The following FHIT variants were observed in gnomAD, a reference collection of about 807,000 sequenced individuals.
FHIT encodes the protein fragile histidine triad diadenosine triphosphatase, also known as bis(5'-adenosyl)-triphosphatase.
A neutral mutation model predicts 17.9 loss-of-function variants in FHIT; 19 were observed. The ratio of observed to expected loss-of-function variants is 1.06; its 90% CI spans 0.74 to 1.56. FHIT has a LOEUF of 1.56. FHIT is among the 40% of genes most tolerant of loss of function. The pLI is 0.00. For synonymous variants in FHIT, 81 were observed against 69.7 expected (o/e 1.16, Z -0.81); for missense variants, 248 against 189.2 (o/e 1.31, Z -1.82).
intron 5 of FHIT, among the ~76,000 whole-genome samples, chr3:60,457,731 A>G (rs2032196523): frequency 6.8e-6 from 1 of 146,348 alleles, no homozygotes; most frequent in Admixed American, 7.0e-5. Flanking sequence ...AAACAAATTT[A>G]CAAGAAAAAA....
intron 1 of FHIT, among the ~76,000 whole-genome samples, chr3:61,229,421 C>T (rs749423701): frequency 3.3e-5 from 5 of 152,206 alleles, no homozygotes; most frequent in Non-Finnish European, 7.3e-5. Context: ...TGATTTTGGA[C>T]TTCTGGCTTC....
chr3:60,304,514 C>G (rs1708588879), intron 5 of FHIT, among the ~76,000 whole-genome samples: 2 of 151,954 alleles, frequency 1.3e-5, no homozygotes, highest in Admixed American at 1.3e-4. Context: ...ACATTTACTC[C>G]TATTTTACAG....
At chr3:60,773,045 C>T (rs782496817) in intron 4 of FHIT, among the ~76,000 whole-genome samples, 5 of 152,122 alleles carry the variant, frequency 3.3e-5, no homozygotes, top group Admixed American at 1.3e-4. Context: ...ACTCCATCTC[C>T]GGCATGGTGT....
chr3:61,018,054 T>C (rs1358891626), intron 3 of FHIT, among the ~76,000 whole-genome samples: 1 of 152,220 alleles, frequency 6.6e-6, no homozygotes, highest in Non-Finnish European at 1.5e-5. Context: ...ATTGAACATT[T>C]ACTATGTGCC....
intron 8 of FHIT, among the ~76,000 whole-genome samples, chr3:59,841,172 G>T (rs1415299507): frequency 1.3e-5 from 2 of 152,152 alleles, no homozygotes; most frequent in African/African-American, 4.8e-5. Flanking sequence ...AGATGATCTT[G>T]CCTGGGTTAC....
chr3:60,887,706 A>C (rs1553759616), intron 3 of FHIT, among the ~76,000 whole-genome samples: 1 of 152,152 alleles, frequency 6.6e-6, no homozygotes, highest in Non-Finnish European at 1.5e-5. Flanking sequence ...CCTTTTACCA[A>C]AAAAGGGTTC....
At chr3:60,823,832 A>G (rs1702020075) in intron 3 of FHIT, among the ~76,000 whole-genome samples, 1 of 152,184 alleles carries the variant, frequency 6.6e-6, no homozygotes, top group Admixed American at 6.5e-5. Context: ...GTCTCAGGGA[A>G]GATTTGAGGT....
At chr3:60,598,291 C>T (rs1405027943) in intron 4 of FHIT, among the ~76,000 whole-genome samples, 2 of 152,044 alleles carry the variant, frequency 1.3e-5, no homozygotes, top group South Asian at 2.1e-4. Context: ...GGAAAGGTAG[C>T]GATCAAGCAA....
At chr3:59,871,974 A>G (rs948355872) in intron 8 of FHIT, among the ~76,000 whole-genome samples, 1 of 152,248 alleles carries the variant, frequency 6.6e-6, no homozygotes, top group African/African-American at 2.4e-5. Context: ...TGGGAATTAC[A>G]GGCAAAACCA....
At chr3:60,167,120 C>G (rs948635480) in intron 5 of FHIT, among the ~76,000 whole-genome samples, 1 of 152,178 alleles carries the variant, frequency 6.6e-6, no homozygotes, top group Admixed American at 6.5e-5. Context: ...TCTTTCCCCC[C>G]TTTCTAAGAG....
intron 2 of FHIT, among the ~76,000 whole-genome samples, chr3:61,061,623 G>GC (rs1486108872): frequency 6.6e-6 from 1 of 151,656 alleles, no homozygotes; most frequent in Non-Finnish European, 1.5e-5. Flanking sequence ...ACACAGCTCA[G>GC]CAATGATGCA....
intron 3 of FHIT, among the ~76,000 whole-genome samples, chr3:60,890,164 T>C (rs1705436075): frequency 6.7e-6 from 1 of 148,196 alleles, no homozygotes; most frequent in Non-Finnish European, 1.5e-5. Context: ...CAGGTAGTCC[T>C]TAACAAGGCT....
intron 5 of FHIT, among the ~76,000 whole-genome samples, chr3:60,033,963 G>A (rs757822100): frequency 2.0e-4 from 31 of 152,258 alleles, no homozygotes; most frequent in Non-Finnish European, 3.7e-4. Flanking sequence ...AACAGGCTCT[G>A]GGAAGATGAA....
chr3:60,244,028 C>G (rs1360651621), intron 5 of FHIT, among the ~76,000 whole-genome samples: 5 of 152,052 alleles, frequency 3.3e-5, no homozygotes, highest in Admixed American at 6.6e-5. Context: ...TCCTTTACTT[C>G]TACCACTTAG....
At chr3:60,418,372 G>GTATATATA (rs1702329878) in intron 5 of FHIT, among the ~76,000 whole-genome samples, 1 of 5,324 alleles carries the variant, frequency 1.9e-4, no homozygotes, top group African/African-American at 2.1e-4. Flanking sequence ...GTATCTGAAT[G>GTATATATA]TGTGTATATA....
intron 8 of FHIT, among the ~76,000 whole-genome samples, chr3:59,846,916 T>C (rs1701742634): frequency 6.6e-6 from 1 of 152,148 alleles, no homozygotes; most frequent in Non-Finnish European, 1.5e-5. Flanking sequence ...TTCTGGCCTG[T>C]AAAGCTTCTA....
chr3:59,769,422 C>T lies in FHIT; in HGVS notation c.349-17101G>A, dbSNP rs76424360. 3.3e-3 allele frequency among the ~76,000 whole-genome samples: 505 copies of T among 152,286 alleles called. 2 individuals are homozygous for T. The highest frequency in any genetic ancestry group is 0.011 in the African/African-American group (446 of 41,552). On this transcript the variant is annotated intron_variant, in intron 8 of 9. Coordinates refer to ENST00000492590, the MANE Select transcript of FHIT (RefSeq NM_002012.4). ...CCACCCTGTAGAAGGCTTGGCTGGACGCCTGCTAGTCTCTACAAAGTTCCT... is the reference window on the plus strand; with the variant it reads ...CCACCCTGTAGAAGGCTTGGCTGGATGCCTGCTAGTCTCTACAAAGTTCCT...
chr3:60,525,163 T>A (rs2035525468), intron 5 of FHIT, among the ~76,000 whole-genome samples: 1 of 152,174 alleles, frequency 6.6e-6, no homozygotes, highest in Non-Finnish European at 1.5e-5. Flanking sequence ...GCTGCTGCCA[T>A]GCAAAAAAGT....
chr3:60,215,634 C>T (rs1480475312), intron 5 of FHIT, among the ~76,000 whole-genome samples: 1 of 152,100 alleles, frequency 6.6e-6, no homozygotes, highest in Non-Finnish European at 1.5e-5. Context: ...TCTACCTATG[C>T]CTCTGTTGAA....
Sources: gnomAD v4.1 joint callset for allele counts (sites outside exome capture counted in the v4.1 genomes callset) on GRCh38, gnomAD v4.1.1 for gene constraint, MANE v1.5 for transcripts, NCBI Gene and HGNC (gene_info 2026-07-23, HGNC 2026-07-21) for gene names.